QRFPR: variants seen among roughly 807,000 people sequenced by gnomAD.
QRFPR encodes pyroglutamylated RFamide peptide receptor.
A neutral mutation model predicts 31.3 loss-of-function variants in QRFPR; 37 were observed. The ratio of observed to expected loss-of-function variants is 1.18; its 90% CI spans 0.91 to 1.56. The LOEUF is 1.56. QRFPR is among the 40% of genes most tolerant of loss of function. QRFPR has a pLI of 0.00. For missense variants in QRFPR, 542 were observed against 532.5 expected (o/e 1.02, Z -0.18); for synonymous variants, 197 against 192.0 (o/e 1.03, Z -0.22).
intron 1 of QRFPR, chr4:121,369,346 T>C: frequency 1.6e-6 from 1 of 638,460 alleles, no homozygotes; most frequent in Non-Finnish European, 2.8e-6. Context: ...TTTTTAAATA[T>C]ACCTTTCCTA....
intron 1 of QRFPR, chr4:121,369,287 C>A: frequency 2.5e-6 from 1 of 398,306 alleles, no homozygotes. Context: ...ACTTGGCCTC[C>A]CAAAGTGTTG....
chr4:121,337,927 G>C (rs73845763), intron 2 of QRFPR, among the ~76,000 whole-genome samples: 2,589 of 152,260 alleles, frequency 0.017, 87 homozygotes, highest in African/African-American at 0.06. Flanking sequence ...CCCCAACTTT[G>C]ATTTGGGGGA....
At chr4:121,337,931 T>G (rs1488462641) in intron 2 of QRFPR, among the ~76,000 whole-genome samples, 1 of 152,200 alleles carries the variant, frequency 6.6e-6, no homozygotes, top group Non-Finnish European at 1.5e-5. Context: ...AACTTTGATT[T>G]GGGGGAAAAG....
chr4:121,340,656 T>A (rs752803756), intron 1 of QRFPR, 46 bp from the exon 2 acceptor site: 66 of 1,567,722 alleles, frequency 4.2e-5, no homozygotes, highest in Non-Finnish European at 5.7e-5. Context: ...ACAAAAAGAA[T>A]AAAGGTTTCA....
intron 1 of QRFPR, among the ~76,000 whole-genome samples, chr4:121,357,052 T>C (rs1044956148): frequency 7.2e-5 from 11 of 152,156 alleles, no homozygotes; most frequent in Admixed American, 5.2e-4. Context: ...AGGGTGTTTG[T>C]ATTAGTTTCC....
chr4:121,349,657 G>A (rs1218090415), intron 1 of QRFPR, among the ~76,000 whole-genome samples: 3 of 152,046 alleles, frequency 2.0e-5, no homozygotes, highest in South Asian at 2.1e-4. Flanking sequence ...ATGTGCCCTC[G>A]TCACCGATTT....
At chr4:121,364,767 G>T (rs995904354) in intron 1 of QRFPR, among the ~76,000 whole-genome samples, 8 of 150,130 alleles carry the variant, frequency 5.3e-5, no homozygotes, top group Non-Finnish European at 1.2e-4. Flanking sequence ...TACCTAGCCT[G>T]GTCTTTCTGG....
intron 3 of QRFPR, among the ~76,000 whole-genome samples, chr4:121,336,491 C>T (rs1725440196): frequency 6.6e-6 from 1 of 152,144 alleles, no homozygotes; most frequent in African/African-American, 2.4e-5. Flanking sequence ...TCATTCAACT[C>T]TTAAAATGTA....
Position 121,329,439 on chromosome 4 carries a change from A to G in QRFPR, c.1171T>C (p.Phe391Leu). 1 of 1,614,110 alleles carries G rather than the reference A, an allele frequency of 6.2e-7. No individual in the cohort carries two copies. The highest frequency in any genetic ancestry group is 1.1e-5 in the South Asian group (1 of 91,072). ...NPVEETKGEA[F>L]SDGNIEVKLC... ...TTGACTTCAATGTTGCCATCACTGAATGCTTCTCCTTTGGTTTCCTCCACT... is the reference window on the plus strand; with the variant it reads ...TTGACTTCAATGTTGCCATCACTGAGTGCTTCTCCTTTGGTTTCCTCCACT... The change falls in exon 6 of 6, where the codon TTC (phenylalanine) becomes CTC (leucine). Residue 391 changes from phenylalanine (F) to leucine (L), a missense_variant. By Grantham distance (22) the Phe-to-Leu change is conservative. Coordinates refer to ENST00000394427, the MANE Select transcript of QRFPR (RefSeq NM_198179.3).
At chr4:121,375,177 C>T (rs576958230) in intron 1 of QRFPR, among the ~76,000 whole-genome samples, 5 of 152,278 alleles carry the variant, frequency 3.3e-5, no homozygotes, top group African/African-American at 4.8e-5. Context: ...CATTCCTATG[C>T]CTTAAGTTTT....
chr4:121,375,211 C>T (rs13146881), intron 1 of QRFPR, among the ~76,000 whole-genome samples: 24,501 of 152,168 alleles, frequency 0.16, 2,531 homozygotes, highest in Non-Finnish European at 0.24. Context: ...TACCACGAGT[C>T]CCATTCTCTC....
Position 121,367,044 on chromosome 4 carries a change from G to A in QRFPR, c.340+13264C>T, listed in dbSNP as rs1460727758. On this transcript the variant is annotated intron_variant, in intron 1 of 5. Transcript: ENST00000394427. ...GGTGTCCAAATTGAGGTGCCGTCAT[G>A]TACCTCTTTAGGCTATGAACTAAAC... Among the ~76,000 whole-genome samples, 2 of 150,050 alleles carry A rather than the reference G, an allele frequency of 1.3e-5. 1 individual carries two copies. The highest frequency in any genetic ancestry group is 1.3e-4 in the Admixed American group (2 of 15,090).
intron 1 of QRFPR, among the ~76,000 whole-genome samples, chr4:121,353,859 A>AT (rs1725812372): frequency 6.6e-6 from 1 of 152,016 alleles, no homozygotes; most frequent in African/African-American, 2.4e-5. Context: ...TTAGATTTAC[A>AT]TTTTTAATCC....
rs1368188668 is a variant in QRFPR at position 121,330,512 on chromosome 4, C to T, written c.809G>A (p.Arg270Gln). Residue 270 changes from arginine to glutamine, a missense_variant, in exon 5 of 6, where the codon CGA (arginine) becomes CAA (glutamine). Coordinates refer to ENST00000394427, the MANE Select transcript of QRFPR (RefSeq NM_198179.3). ...CACTGTCACCATCATAATGACAGCT[C>T]GTTTCTTCTTCCTAAACCCACAAGG... ...EMSKIARKKK[R>Q]AVIMMVTVVA... The T allele has an allele frequency of 3.1e-6, 5 of 1,613,258 alleles. No individual in the cohort carries two copies. The highest frequency in any genetic ancestry group is 1.3e-5 in the African/African-American group (1 of 74,894).
chr4:121,357,170 T>A (rs922445330), intron 1 of QRFPR, among the ~76,000 whole-genome samples: 2 of 152,078 alleles, frequency 1.3e-5, no homozygotes, highest in East Asian at 3.9e-4. Flanking sequence ...CAGGGCTGTG[T>A]TCTTTCTAGA....
At chr4:121,337,321 C>T (rs1209385276) in intron 2 of QRFPR, among the ~76,000 whole-genome samples, 7 of 152,182 alleles carry the variant, frequency 4.6e-5, no homozygotes, top group African/African-American at 9.7e-5. Flanking sequence ...GGACTTGACT[C>T]AGAAATCACC....
At chr4:121,342,408 T>A (rs570557580) in intron 1 of QRFPR, among the ~76,000 whole-genome samples, 24 of 152,206 alleles carry the variant, frequency 1.6e-4, no homozygotes, top group Non-Finnish European at 3.2e-4. Flanking sequence ...CTCTCCTAAA[T>A]ATCTCTAAAA....
chr4:121,334,340 T>C (rs917586484), intron 3 of QRFPR: 7 of 154,816 alleles, frequency 4.5e-5, no homozygotes, highest in Non-Finnish European at 5.8e-5. Flanking sequence ...ATCTTCTATT[T>C]CCAAACATAC....
chr4:121,378,644 C>T (rs1281406214), intron 1 of QRFPR, among the ~76,000 whole-genome samples: 2 of 151,970 alleles, frequency 1.3e-5, no homozygotes, highest in Admixed American at 6.6e-5. Flanking sequence ...AGAATGGTCT[C>T]GATCTCATGA....
Sources: gnomAD v4.1 joint callset for allele counts (sites outside exome capture counted in the v4.1 genomes callset) on GRCh38, gnomAD v4.1.1 for gene constraint, MANE v1.5 for transcripts, NCBI Gene and HGNC (gene_info 2026-07-23, HGNC 2026-07-21) for gene names.